The following CNOT2 variants were observed in gnomAD, a reference collection of about 807,000 sequenced individuals.
CNOT2 encodes CC chemokine receptor 4-negative regulator of transcription 2.
A neutral mutation model predicts 72.1 loss-of-function variants in CNOT2; 7 were observed. That is an observed-to-expected ratio of 0.10 (90% CI 0.06 to 0.18). CNOT2 has a LOEUF of 0.18. Among genes scored for constraint, CNOT2 ranks in the 10% least tolerant of loss-of-function variants. The pLI, the probability that CNOT2 is intolerant of heterozygous loss-of-function variation, is 1.00. For synonymous variants in CNOT2, 196 were observed against 225.6 expected (o/e 0.87, Z 1.17); for missense variants, 345 against 660.3 (o/e 0.52, Z 5.23).
At chr12:70,269,813 A>C (rs1191400494) in intron 1 of CNOT2, among the ~76,000 whole-genome samples, 1 of 152,190 alleles carries the variant, frequency 6.6e-6, no homozygotes, top group African/African-American at 2.4e-5. Flanking sequence ...TTCTGCATTC[A>C]GTCAAAAGAC....
intron 3 of CNOT2, among the ~76,000 whole-genome samples, chr12:70,312,014 A>G (rs1345881890): frequency 1.3e-5 from 2 of 151,798 alleles, no homozygotes; most frequent in Admixed American, 6.6e-5. Context: ...CTGTTTTTGT[A>G]TTTTCCTTTT....
At chr12:70,302,825 C>G (rs1318858108) in intron 2 of CNOT2, among the ~76,000 whole-genome samples, 7 of 152,156 alleles carry the variant, frequency 4.6e-5, no homozygotes, top group Middle Eastern at 3.2e-3. Context: ...GTGTTAAAGT[C>G]TCCCATTATT....
At chr12:70,328,608 TC>T (rs1450884569) in intron 4 of CNOT2, among the ~76,000 whole-genome samples, 1 of 151,746 alleles carries the variant, frequency 6.6e-6, no homozygotes, top group Non-Finnish European at 1.5e-5. Context: ...AATTTATAAT[TC>T]CTATGATCTG....
chr12:70,353,712 G>A (rs1310770297), intron 15 of CNOT2, 117 bp from the exon 16 acceptor site: 2 of 1,466,198 alleles, frequency 1.4e-6, no homozygotes, highest in African/African-American at 2.9e-5. Context: ...TGGTATATCT[G>A]TGTTGATGTT....
intron 2 of CNOT2, among the ~76,000 whole-genome samples, chr12:70,286,676 A>C (rs909825811): frequency 2.0e-5 from 3 of 149,860 alleles, no homozygotes; most frequent in African/African-American, 7.3e-5. Context: ...CTGTCTGTCA[A>C]CCTTTTTCTT....
At chr12:70,347,890 T>C (rs1221968599) in intron 15 of CNOT2, 1 of 152,224 alleles carries the variant, frequency 6.6e-6, no homozygotes, top group Non-Finnish European at 1.5e-5. Flanking sequence ...GCCTGAGCTA[T>C]TGTATATGTT....
At chr12:70,251,707 T>C (rs1426172723) in intron 1 of CNOT2, among the ~76,000 whole-genome samples, 2 of 152,242 alleles carry the variant, frequency 1.3e-5, no homozygotes, top group Non-Finnish European at 2.9e-5. Context: ...TACTTTGCAT[T>C]CATATAAGCA....
At chr12:70,267,075 A>AT (rs1182199188) in intron 1 of CNOT2, among the ~76,000 whole-genome samples, 2 of 149,836 alleles carry the variant, frequency 1.3e-5, no homozygotes, top group African/African-American at 2.5e-5. Context: ...TTCTTTGTGT[A>AT]TTTTTTTTTA....
chr12:70,243,613 C>G (rs1258459193), intron 1 of CNOT2, 133 bp downstream of exon 1: 2 of 151,200 alleles, frequency 1.3e-5, no homozygotes, highest in Non-Finnish European at 3.0e-5. Flanking sequence ...GGTAGCGTCC[C>G]GGCCCACCGC....
At chr12:70,305,007 A>T (rs1874976479) in intron 2 of CNOT2, among the ~76,000 whole-genome samples, 1 of 152,180 alleles carries the variant, frequency 6.6e-6, no homozygotes, top group African/African-American at 2.4e-5. Context: ...GCCTTTTGTT[A>T]AACCTGTTGG....
chr12:70,258,775 G>A (rs778026262), intron 1 of CNOT2, among the ~76,000 whole-genome samples: 2 of 152,214 alleles, frequency 1.3e-5, no homozygotes, highest in African/African-American at 4.8e-5. Flanking sequence ...CCCTCAAGGC[G>A]TGAGCCTGTG....
At chr12:70,339,113 C>CACACAT (rs1171478126) in intron 11 of CNOT2, among the ~76,000 whole-genome samples, 162 of 150,008 alleles carry the variant, frequency 1.1e-3, no homozygotes, top group African/African-American at 3.7e-3. Flanking sequence ...CACACACACA[C>CACACAT]CTTCCAGAAT....
intron 1 of CNOT2, 96 bp from the exon 2 acceptor site, chr12:70,278,029 CTTTTTGT>C (rs1869155448): frequency 4.1e-6 from 2 of 486,430 alleles, no homozygotes. Flanking sequence ...AGAACAATTA[CTTTTTGT>C]TTTTTGTTTT....
chr12:70,301,147 A>G (rs990647641), intron 2 of CNOT2, among the ~76,000 whole-genome samples: 1 of 152,206 alleles, frequency 6.6e-6, no homozygotes, highest in Non-Finnish European at 1.5e-5. Context: ...TTCTAGATAT[A>G]CAGTCATGTC....
intron 2 of CNOT2, among the ~76,000 whole-genome samples, chr12:70,289,696 T>C (rs1231255707): frequency 6.6e-6 from 1 of 152,154 alleles, no homozygotes; most frequent in Non-Finnish European, 1.5e-5. Flanking sequence ...TTGCTAATCT[T>C]TTCTTCAGCA....
intron 1 of CNOT2, among the ~76,000 whole-genome samples, chr12:70,253,742 A>G (rs1958270685): frequency 6.6e-6 from 1 of 152,180 alleles, no homozygotes; most frequent in African/African-American, 2.4e-5. Flanking sequence ...CATGATAATT[A>G]TTCCTGATTA....
intron 1 of CNOT2, among the ~76,000 whole-genome samples, chr12:70,249,945 T>A (rs1307150961): frequency 6.6e-6 from 1 of 151,986 alleles, no homozygotes; most frequent in Non-Finnish European, 1.5e-5. Flanking sequence ...GGCCTGAAAT[T>A]AGAAAAAAAA....
At chr12:70,245,612 C>G (rs1044928496) in intron 1 of CNOT2, among the ~76,000 whole-genome samples, 3 of 152,060 alleles carry the variant, frequency 2.0e-5, no homozygotes, top group African/African-American at 7.2e-5. Context: ...TTCTATAATA[C>G]TTTAATTTAC....
intron 2 of CNOT2, among the ~76,000 whole-genome samples, chr12:70,303,215 C>T (rs12317597): frequency 0.014 from 2,057 of 152,282 alleles, 46 homozygotes; most frequent in African/African-American, 0.046. Flanking sequence ...AGCCCGTTCA[C>T]ATTTAAGGTT....
Sources: gnomAD v4.1 joint callset for allele counts (sites outside exome capture counted in the v4.1 genomes callset) on GRCh38, gnomAD v4.1.1 for gene constraint, MANE v1.5 for transcripts, NCBI Gene and HGNC (gene_info 2026-07-23, HGNC 2026-07-21) for gene names.